MEF2A: variants seen among roughly 807,000 people sequenced by gnomAD.
The protein encoded by MEF2A is myocyte enhancer factor 2A.
Under a neutral mutation model 55.8 loss-of-function variants are expected in MEF2A, and 28 were observed. The observed-to-expected ratio is 0.50, with a 90% CI of 0.37 to 0.69. The LOEUF is 0.69. Among genes scored for constraint, MEF2A ranks in the 30% least tolerant of loss-of-function variants. The pLI is 0.00. For synonymous variants in MEF2A, 239 were observed against 227.1 expected, an observed-to-expected ratio of 1.05 and a Z score of -0.47; for missense variants, 528 against 626.2, an observed-to-expected ratio of 0.84 and a Z score of 1.67.
At chr15:99,698,933 C>G (rs996992111) in intron 8 of MEF2A, among the ~76,000 whole-genome samples, 1 of 151,808 alleles carries the variant, frequency 6.6e-6, no homozygotes, top group East Asian at 1.9e-4. Context: ...TATACACTTG[C>G]TGGCCAGGCA....
chr15:99,598,950 A>G (rs1972120184), intron 2 of MEF2A, among the ~76,000 whole-genome samples: 1 of 152,158 alleles, frequency 6.6e-6, no homozygotes, highest in Non-Finnish European at 1.5e-5. Flanking sequence ...GAAGCATGGG[A>G]AAGGTCAAAT....
chr15:99,667,284 C>T (rs1176724228), intron 4 of MEF2A, among the ~76,000 whole-genome samples: 2 of 152,118 alleles, frequency 1.3e-5, no homozygotes, highest in African/African-American at 2.4e-5. Flanking sequence ...TGCAGTGGCA[C>T]GATCTCGCTC....
chr15:99,572,484 A>G (rs906148244), intron 1 of MEF2A, among the ~76,000 whole-genome samples: 5 of 152,050 alleles, frequency 3.3e-5, no homozygotes, highest in African/African-American at 1.2e-4. Flanking sequence ...GTTATTGCTT[A>G]TTTATGGTAT....
At chr15:99,595,648 A>G (rs903808471) in intron 1 of MEF2A, among the ~76,000 whole-genome samples, 6 of 152,214 alleles carry the variant, frequency 3.9e-5, no homozygotes, top group African/African-American at 2.4e-5. Flanking sequence ...TTAAAAAAGC[A>G]TATGGTATAA....
intron 11 of MEF2A, 110 bp downstream of exon 11, chr15:99,710,870 T>TG: frequency 8.0e-7 from 1 of 1,252,932 alleles, no homozygotes. Flanking sequence ...AATCCTGTAA[T>TG]GATTCCTTTT....
chr15:99,650,061 TG>T (rs966961468), intron 4 of MEF2A, among the ~76,000 whole-genome samples: 2 of 152,216 alleles, frequency 1.3e-5, no homozygotes, highest in Non-Finnish European at 2.9e-5. Context: ...TGTTAATATC[TG>T]GTGCACTATT....
intron 1 of MEF2A, among the ~76,000 whole-genome samples, chr15:99,587,537 A>G (rs1281303762): frequency 6.6e-6 from 1 of 152,192 alleles, no homozygotes; most frequent in Non-Finnish European, 1.5e-5. Context: ...AGGGAGAATC[A>G]GTATCACAAC....
At chr15:99,572,528 C>T (rs897314959) in intron 1 of MEF2A, among the ~76,000 whole-genome samples, 17 of 151,850 alleles carry the variant, frequency 1.1e-4, no homozygotes, top group African/African-American at 3.6e-4. Context: ...TCCATAAAGG[C>T]AGAGGCCTTG....
chr15:99,662,815 T>A (rs2048889964), intron 4 of MEF2A, among the ~76,000 whole-genome samples: 1 of 152,228 alleles, frequency 6.6e-6, no homozygotes, highest in African/African-American at 2.4e-5. Context: ...CACTTGCTTA[T>A]ACTTATGCTA....
intron 4 of MEF2A, among the ~76,000 whole-genome samples, chr15:99,650,309 G>A (rs1197431816): frequency 1.3e-5 from 2 of 152,074 alleles, no homozygotes; most frequent in Non-Finnish European, 2.9e-5. Flanking sequence ...TGCATCCAGG[G>A]GAGCTCTGGA....
intron 2 of MEF2A, among the ~76,000 whole-genome samples, chr15:99,600,240 A>G (rs1412821211): frequency 6.6e-6 from 1 of 152,124 alleles, no homozygotes; most frequent in Admixed American, 6.5e-5. Context: ...ATTTTAGGGA[A>G]TTCTCTATGC....
chr15:99,599,404 C>T (rs1336785278), intron 2 of MEF2A, among the ~76,000 whole-genome samples: 2 of 151,940 alleles, frequency 1.3e-5, no homozygotes, highest in Non-Finnish European at 2.9e-5. Context: ...TTTTATTTTG[C>T]CCATTTCAGG....
At chr15:99,706,697 C>T (rs748661041) in intron 9 of MEF2A, 32 bp from the exon 10 acceptor site, 59 of 1,607,752 alleles carry the variant, frequency 3.7e-5, no homozygotes, top group Non-Finnish European at 5.0e-5. Flanking sequence ...AATACCACAT[C>T]AGAACACATT....
chr15:99,650,799 C>CCAG (rs907216654), intron 4 of MEF2A, among the ~76,000 whole-genome samples: 2 of 152,224 alleles, frequency 1.3e-5, no homozygotes, highest in East Asian at 1.9e-4. Flanking sequence ...AGTGCCCTGA[C>CCAG]CAGCAGCAGC....
intron 8 of MEF2A, among the ~76,000 whole-genome samples, chr15:99,690,839 G>C (rs2153720275): frequency 6.6e-6 from 1 of 152,200 alleles, no homozygotes; most frequent in East Asian, 1.9e-4. Flanking sequence ...GTTGATTCGT[G>C]GGTAAAAACA....
chr15:99,624,873 C>T (rs774079092), intron 2 of MEF2A, among the ~76,000 whole-genome samples: 4 of 152,114 alleles, frequency 2.6e-5, no homozygotes, highest in Non-Finnish European at 2.9e-5. Flanking sequence ...GCAAGCTTTT[C>T]ACCTTCACCT....
chr15:99,679,037 A>C (rs1414907003), intron 7 of MEF2A, among the ~76,000 whole-genome samples: 1 of 152,234 alleles, frequency 6.6e-6, no homozygotes, highest in African/African-American at 2.4e-5. Flanking sequence ...CCACAAAGAG[A>C]GAACACTGCA....
chr15:99,578,847 A>G (rs1965115699), intron 1 of MEF2A, among the ~76,000 whole-genome samples: 2 of 152,284 alleles, frequency 1.3e-5, no homozygotes, highest in South Asian at 4.1e-4. Context: ...TGATTAAAAC[A>G]GTGGCATGGT....
intron 2 of MEF2A, among the ~76,000 whole-genome samples, chr15:99,617,191 A>C (rs1477988686): frequency 2.6e-5 from 4 of 151,782 alleles, no homozygotes; most frequent in Non-Finnish European, 5.9e-5. Context: ...TGAGTTACCT[A>C]TAGGATATCA....
Sources: allele counts gnomAD v4.1 joint callset (sites outside exome capture counted in the v4.1 genomes callset), GRCh38; gene constraint gnomAD v4.1.1; transcripts MANE v1.5; gene names NCBI Gene and HGNC (gene_info 2026-07-23, HGNC 2026-07-21).